The following MEI4 variants were observed in gnomAD, a reference collection of about 807,000 sequenced individuals.
MEI4 encodes the protein meiosis-specific protein MEI4.
In MEI4, 27 loss-of-function variants were observed where a neutral mutation model predicts 31.4. That is an observed-to-expected ratio of 0.86 (90% CI 0.63 to 1.19). The LOEUF (loss-of-function observed/expected upper bound fraction) is 1.19. MEI4 is among the 50% of genes most tolerant of loss of function. The pLI is 0.00. For missense variants in MEI4, 329 were observed against 398.9 expected (o/e 0.82, Z 1.49); for synonymous variants, 122 against 145.4 (o/e 0.84, Z 1.16).
chr6:77,745,560 G>A (rs1275687521), intron 2 of MEI4, among the ~76,000 whole-genome samples: 3 of 152,044 alleles, frequency 2.0e-5, no homozygotes, highest in Non-Finnish European at 4.4e-5. Flanking sequence ...AGACAGATCA[G>A]TGAGACAGAA....
At chr6:77,656,189 A>G (rs1768390998) in intron 1 of MEI4, among the ~76,000 whole-genome samples, 1 of 152,160 alleles carries the variant, frequency 6.6e-6, no homozygotes, top group Non-Finnish European at 1.5e-5. Flanking sequence ...AAAACAACAC[A>G]TTAGGAAGTA....
chr6:77,775,141 C>T (rs1367900868), intron 3 of MEI4, among the ~76,000 whole-genome samples: 1 of 151,716 alleles, frequency 6.6e-6, no homozygotes, highest in Non-Finnish European at 1.5e-5. Context: ...AGGATTACCT[C>T]TTCATCTCAG....
chr6:77,770,814 C>A (rs1052368210), intron 3 of MEI4, among the ~76,000 whole-genome samples: 2 of 151,508 alleles, frequency 1.3e-5, no homozygotes, highest in East Asian at 1.9e-4. Flanking sequence ...AACAAACAAA[C>A]AAAAAAAATA....
At chr6:77,832,040 T>C (rs1453800311) in intron 4 of MEI4, among the ~76,000 whole-genome samples, 1 of 152,048 alleles carries the variant, frequency 6.6e-6, no homozygotes, top group East Asian at 1.9e-4. Context: ...CCCCAGTATA[T>C]GTACAACTCT....
At chr6:77,856,198 C>T (rs1163670099) in intron 4 of MEI4, among the ~76,000 whole-genome samples, 9 of 152,112 alleles carry the variant, frequency 5.9e-5, no homozygotes, top group South Asian at 2.1e-4. Flanking sequence ...TGAACCGGCC[C>T]GTCTGCCTTT....
rs1425788652 is a variant in MEI4 at position 77,918,283 on chromosome 6, A to T, written c.901-4806A>T. On this transcript the variant is annotated intron_variant, in intron 4 of 4. Transcript: ENST00000684080. Reference sequence around the variant, plus strand: ...TTTGGTTCCATATGAACTTTAAAGTAGTTTTTTCCAATTCTGTGAAGAAAG... The same window carrying T: ...TTTGGTTCCATATGAACTTTAAAGTTGTTTTTTCCAATTCTGTGAAGAAAG... 2.0e-5 allele frequency among the ~76,000 whole-genome samples: 3 copies of T among 149,658 alleles called. No individual in the cohort carries two copies. The Admixed American group carries it at 2.0e-4, about 10-fold the overall frequency.
chr6:77,772,546 G>C (rs1768343767), intron 3 of MEI4, among the ~76,000 whole-genome samples: 1 of 151,694 alleles, frequency 6.6e-6, no homozygotes, highest in Non-Finnish European at 1.5e-5. Context: ...CAATAAACTG[G>C]ATATATTAAT....
In MEI4 at chr6:77,923,518, GTCATATT is replaced by G. The variant is rs564470021; in HGVS notation, c.*175_*181del. Reference sequence around the variant, plus strand: ...TCTTAAATTGTATGAAATTTTATGAGTCATATTTCTATACTAAAATCAGCCAGTTTCG... The same window carrying G: ...TCTTAAATTGTATGAAATTTTATGAGTCTATACTAAAATCAGCCAGTTTCG... On this transcript the variant is annotated 3_prime_UTR_variant, in exon 5 of 5. Transcript: ENST00000684080. 4.1e-5 allele frequency: 23 copies of G among 566,180 alleles called. No individual in the cohort carries two copies. In the South Asian group the frequency reaches 2.1e-3, roughly 51 times the overall value. 35.1% of individuals were successfully genotyped at this position (566,180 alleles called of 1,614,324 possible). A position where few individuals can be genotyped will look rare whatever the true frequency, so the allele number is the denominator to read the frequency against.
At chr6:77,791,870 G>T (rs1405783739) in intron 3 of MEI4, among the ~76,000 whole-genome samples, 1 of 151,892 alleles carries the variant, frequency 6.6e-6, no homozygotes, top group East Asian at 1.9e-4. Flanking sequence ...TAGATCTATT[G>T]AACTTACTTC....
intron 4 of MEI4, among the ~76,000 whole-genome samples, chr6:77,901,954 G>A (rs1368137533): frequency 6.6e-6 from 1 of 152,056 alleles, no homozygotes; most frequent in Non-Finnish European, 1.5e-5. Flanking sequence ...ATCATTCACT[G>A]AAGAGATTGT....
At chr6:77,681,476 C>G (rs1484734974) in intron 1 of MEI4, among the ~76,000 whole-genome samples, 13 of 152,170 alleles carry the variant, frequency 8.5e-5, no homozygotes, top group Admixed American at 8.5e-4. Context: ...CATATCTGCT[C>G]CCTATTTCCT....
At chr6:77,712,433 T>A (rs945726309) in intron 2 of MEI4, among the ~76,000 whole-genome samples, 3 of 152,188 alleles carry the variant, frequency 2.0e-5, no homozygotes, top group Non-Finnish European at 4.4e-5. Context: ...CACATAACTT[T>A]ATGGCATGAA....
rs552377757 is a variant in MEI4 at position 77,888,783 on chromosome 6, T to A, written c.901-34306T>A. On this transcript the variant is annotated intron_variant, in intron 4 of 4. Coordinates refer to ENST00000684080, the MANE Select transcript of MEI4 (RefSeq NM_001322247.2). ...TTCCCACCCAAATCTCATCTTGAAT[T>A]GTAGTTCCCACAATCCCAATGTGTT... is the stretch of plus-strand genomic sequence containing the variant. Among the ~76,000 whole-genome samples the A allele has an allele frequency of 8.9e-4, 135 of 152,262 alleles. 3 individuals carry two copies. In the South Asian group the frequency reaches 0.028, roughly 31 times the overall value.
At chr6:77,880,897 A>AT (rs1387705055) in intron 4 of MEI4, among the ~76,000 whole-genome samples, 2 of 152,140 alleles carry the variant, frequency 1.3e-5, no homozygotes, top group African/African-American at 4.8e-5. Flanking sequence ...AAAAAAAAAA[A>AT]ATTAGGTTCT....
intron 4 of MEI4, among the ~76,000 whole-genome samples, chr6:77,912,663 G>T (rs1766458570): frequency 6.6e-6 from 1 of 151,912 alleles, no homozygotes; most frequent in Non-Finnish European, 1.5e-5. Flanking sequence ...TATTGTTTCA[G>T]TTTTCTCCAA....
intron 3 of MEI4, among the ~76,000 whole-genome samples, chr6:77,823,620 C>T (rs1309143018): frequency 6.6e-6 from 1 of 152,068 alleles, no homozygotes; most frequent in Non-Finnish European, 1.5e-5. Flanking sequence ...AGTTTTTGTA[C>T]TTTCTTATTT....
At chr6:77,726,568 C>G (rs1459674132) in intron 2 of MEI4, among the ~76,000 whole-genome samples, 2 of 152,064 alleles carry the variant, frequency 1.3e-5, no homozygotes, top group African/African-American at 2.4e-5. Context: ...TTAGTATGTC[C>G]AGGGCACAAA....
chr6:77,746,700 T>C (rs142614363), intron 2 of MEI4, among the ~76,000 whole-genome samples: 1 of 151,812 alleles, frequency 6.6e-6, no homozygotes, highest in East Asian at 1.9e-4. Flanking sequence ...TATTTCGGTT[T>C]CTCTGAAAAA....
chr6:77,712,426 A>G (rs866222915), intron 2 of MEI4, among the ~76,000 whole-genome samples: 1 of 152,188 alleles, frequency 6.6e-6, no homozygotes, highest in African/African-American at 2.4e-5. Context: ...TAGTAGACAC[A>G]TAACTTTATG....
Sources: allele counts gnomAD v4.1 joint callset (sites outside exome capture counted in the v4.1 genomes callset), GRCh38; gene constraint gnomAD v4.1.1; transcripts MANE v1.5; gene names NCBI Gene and HGNC (gene_info 2026-07-23, HGNC 2026-07-21).